The following MCUB variants were observed in gnomAD, a reference collection of about 807,000 sequenced individuals.
MCUB encodes mitochondrial calcium uniporter dominant negative subunit beta.
A neutral mutation model predicts 41.4 loss-of-function variants in MCUB; 46 were observed. The observed-to-expected ratio is 1.11, with a 90% CI of 0.88 to 1.42. The LOEUF (loss-of-function observed/expected upper bound fraction) is 1.42. MCUB is among the 40% of genes most tolerant of loss of function. The pLI is 0.00. For missense variants in MCUB, 403 were observed against 404.9 expected, an observed-to-expected ratio of 1.00 and a Z score of 0.04; for synonymous variants, 148 against 148.2, an observed-to-expected ratio of 1.00 and a Z score of 0.01.
chr4:109,655,518 A>G (rs930271360), intron 1 of MCUB, among the ~76,000 whole-genome samples: 1 of 152,148 alleles, frequency 6.6e-6, no homozygotes, highest in Non-Finnish European at 1.5e-5. Context: ...ACCAAGAGTT[A>G]CCTTGTTAAA....
intron 1 of MCUB, among the ~76,000 whole-genome samples, chr4:109,625,429 C>G (rs1315377334): frequency 6.6e-6 from 1 of 152,136 alleles, no homozygotes; most frequent in South Asian, 2.1e-4. Flanking sequence ...ACTTTCAGTA[C>G]AGTATTCAAT....
chr4:109,666,040 G>A (rs1032585157), intron 4 of MCUB, among the ~76,000 whole-genome samples: 2 of 152,198 alleles, frequency 1.3e-5, no homozygotes, highest in East Asian at 1.9e-4. Flanking sequence ...GGGAGGAGAC[G>A]AGGCAGTAAA....
intron 4 of MCUB, chr4:109,673,861 G>T: frequency 1.3e-6 from 1 of 766,636 alleles, no homozygotes; most frequent in Non-Finnish European, 2.4e-6. Flanking sequence ...AGACACAGGT[G>T]TTTCTCTTCC....
intron 1 of MCUB, among the ~76,000 whole-genome samples, chr4:109,626,952 T>A (rs1457938086): frequency 6.6e-6 from 1 of 152,182 alleles, no homozygotes; most frequent in Non-Finnish European, 1.5e-5. Flanking sequence ...TTCTTTCTTT[T>A]AGGACAAAAC....
intron 1 of MCUB, among the ~76,000 whole-genome samples, chr4:109,622,697 C>G (rs1033344775): frequency 6.6e-6 from 1 of 152,148 alleles, no homozygotes; most frequent in African/African-American, 2.4e-5. Flanking sequence ...CCACAGCACC[C>G]CAAACTTAAT....
chr4:109,619,940 A>G (rs761381697), intron 1 of MCUB, among the ~76,000 whole-genome samples: 16 of 152,158 alleles, frequency 1.1e-4, no homozygotes, highest in Non-Finnish European at 1.5e-4. Flanking sequence ...TAGAGAAGTT[A>G]AGGTACCTAC....
rs60114567 is a variant in MCUB, at chr4:109,638,411, TAAAA to T, written c.100-20585_100-20582del. On this transcript the variant is annotated intron_variant, in intron 1 of 7. Coordinates refer to ENST00000394650, the MANE Select transcript of MCUB (RefSeq NM_017918.5). ...ATTAAGTGTGCAATAGCATTATATC[TAAAA>T]AAAAAAAAAAAAAACCATACATTAA... Among the ~76,000 whole-genome samples the T allele has an allele frequency of 4.4e-3, 604 of 138,336 alleles. 3 individuals are homozygous for T. Among genetic ancestry groups the T allele is most frequent in the Middle Eastern group, 7.6e-3 (2 of 264 alleles). 90.8% of individuals were successfully genotyped at this position (138,336 alleles called of 152,430 possible).
chr4:109,606,037 C>T lies in MCUB; in HGVS notation c.99+45601C>T, dbSNP rs556896389. Among the ~76,000 whole-genome samples, 4 of 152,152 alleles carry T rather than the reference C, an allele frequency of 2.6e-5. No homozygotes were observed. The East Asian group carries it at 5.8e-4, about 22-fold the overall frequency. On this transcript the variant is annotated intron_variant, in intron 1 of 7. Transcript: ENST00000394650. The stretch of plus-strand genomic sequence containing the variant: ...TTGCCCAGGCTGGAGTGCAGTGGTG[C>T]GATCTCTGCTCGCTGCAAGCTCCAC...
At chr4:109,567,426 A>G (rs1258229965) in intron 1 of MCUB, among the ~76,000 whole-genome samples, 2 of 151,952 alleles carry the variant, frequency 1.3e-5, no homozygotes, top group Non-Finnish European at 2.9e-5. Flanking sequence ...CAAACATAGT[A>G]TGTTTTCTTT....
intron 1 of MCUB, among the ~76,000 whole-genome samples, chr4:109,622,064 T>A (rs762653772): frequency 1.3e-5 from 2 of 152,134 alleles, no homozygotes; most frequent in African/African-American, 4.8e-5. Context: ...GTATTTTTAG[T>A]AGAGAGGGAG....
At chr4:109,641,843 T>A (rs17040619) in intron 1 of MCUB, among the ~76,000 whole-genome samples, 1,911 of 152,320 alleles carry the variant, frequency 0.013, 38 homozygotes, top group African/African-American at 0.043. Flanking sequence ...GCTTTAGAAA[T>A]TCAGATGTGT....
chr4:109,577,672 C>T (rs1449252878), intron 1 of MCUB, among the ~76,000 whole-genome samples: 1 of 76,688 alleles, frequency 1.3e-5, no homozygotes, highest in Non-Finnish European at 2.6e-5. Context: ...TGCAGTGGCG[C>T]GATCTCGGCT....
Position 109,587,543 on chromosome 4 carries a change from A to G in MCUB, c.99+27107A>G, listed in dbSNP as rs183642829. ...CAGAAATCACCCGTCTTCTGCGTCA[A>G]TCACGCTGGGAGCTGCAGACTGGAG... On this transcript the variant is annotated intron_variant, in intron 1 of 7. Coordinates refer to ENST00000394650, the MANE Select transcript of MCUB (RefSeq NM_017918.5). 2.6e-3 allele frequency among the ~76,000 whole-genome samples: 392 copies of G among 152,316 alleles called. 1 individual carries two copies. Among genetic ancestry groups the G allele is most frequent in the Non-Finnish European group, 4.0e-3 (271 of 68,030 alleles).
At chr4:109,610,487 A>G (rs7670509) in intron 1 of MCUB, among the ~76,000 whole-genome samples, 3,317 of 152,248 alleles carry the variant, frequency 0.022, 121 homozygotes, top group African/African-American at 0.076. Flanking sequence ...GATGAAATAT[A>G]TTGAGAGATA....
intron 1 of MCUB, among the ~76,000 whole-genome samples, chr4:109,601,362 C>T (rs543834048): frequency 6.6e-6 from 1 of 152,154 alleles, no homozygotes; most frequent in East Asian, 1.9e-4. Flanking sequence ...TGGGGGGGTA[C>T]CTGTTAACCA....
chr4:109,608,073 T>G (rs1347178171), intron 1 of MCUB, among the ~76,000 whole-genome samples: 3 of 152,188 alleles, frequency 2.0e-5, no homozygotes, highest in Non-Finnish European at 2.9e-5. Context: ...TGCTTCATTT[T>G]TTAAAATTCT....
At chr4:109,673,812 T>C in intron 4 of MCUB, 1 of 661,448 alleles carries the variant, frequency 1.5e-6, no homozygotes, top group East Asian at 2.5e-5. Flanking sequence ...AGAGGTTTTT[T>C]CGCTCTAGGG....
At chr4:109,560,462 G>A in intron 1 of MCUB, 26 bp downstream of exon 1, 2 of 1,123,988 alleles carry the variant, frequency 1.8e-6, no homozygotes, top group Non-Finnish European at 2.3e-6. Flanking sequence ...GGGCTGTGGG[G>A]GTTCGGGGTA....
At chr4:109,646,852 C>G (rs1246375539) in intron 1 of MCUB, among the ~76,000 whole-genome samples, 1 of 152,156 alleles carries the variant, frequency 6.6e-6, no homozygotes, top group African/African-American at 2.4e-5. Context: ...CTTATTTAAT[C>G]TTCTTACCAA....
Sources: allele counts gnomAD v4.1 joint callset (sites outside exome capture counted in the v4.1 genomes callset), GRCh38; gene constraint gnomAD v4.1.1; transcripts MANE v1.5; gene names NCBI Gene and HGNC (gene_info 2026-07-23, HGNC 2026-07-21).